Variants in DGKI observed in about 807,000 individuals in gnomAD.
DGKI encodes the protein diacylglycerol kinase iota, also known as DAG kinase iota.
Under a neutral mutation model 147.5 loss-of-function variants are expected in DGKI, and 55 were observed. That is an observed-to-expected ratio of 0.37 (90% CI 0.30 to 0.47). The LOEUF (loss-of-function observed/expected upper bound fraction) is 0.47. DGKI is among the 20% of genes least tolerant of loss of function. The pLI is 1.00. For synonymous variants in DGKI, 469 were observed against 477.1 expected (o/e 0.98, Z 0.22); for missense variants, 1,007 against 1,323.8 (o/e 0.76, Z 3.71).
At chr7:137,742,562 T>C (rs1277126449) in intron 1 of DGKI, among the ~76,000 whole-genome samples, 1 of 152,028 alleles carries the variant, frequency 6.6e-6, no homozygotes, top group Non-Finnish European at 1.5e-5. Context: ...TGCAGACCCA[T>C]GTGCACCCGT....
chr7:137,819,495 A>G (rs1199466092), intron 1 of DGKI, among the ~76,000 whole-genome samples: 1 of 152,066 alleles, frequency 6.6e-6, no homozygotes, highest in Non-Finnish European at 1.5e-5. Context: ...TATTTTTAGT[A>G]GAGACGGGGT....
At chr7:137,513,607 T>C (rs1373294741) in intron 21 of DGKI, among the ~76,000 whole-genome samples, 1 of 152,182 alleles carries the variant, frequency 6.6e-6, no homozygotes, top group East Asian at 1.9e-4. Flanking sequence ...CTTCATTGTG[T>C]GAACATCATA....
At chr7:137,585,169 G>GCT (rs1421984147) in intron 14 of DGKI, 40 bp downstream of exon 14, 1 of 1,609,788 alleles carries the variant, frequency 6.2e-7, no homozygotes, top group Admixed American at 1.7e-5. Flanking sequence ...TCAGGCAGAT[G>GCT]CTCCAGGGCT....
intron 30 of DGKI, among the ~76,000 whole-genome samples, chr7:137,407,139 T>A (rs780176954): frequency 3.1e-4 from 47 of 152,264 alleles, no homozygotes; most frequent in Non-Finnish European, 4.3e-4. Context: ...TAGGCAGTAT[T>A]TTTCCCCTTT....
At chr7:137,722,016 T>C (rs1794571002) in intron 1 of DGKI, 8 of 1,583,564 alleles carry the variant, frequency 5.1e-6, no homozygotes, top group Non-Finnish European at 6.8e-6. Context: ...AGAAGCCAGA[T>C]ACTAAAGAGA....
chr7:137,466,001 T>C lies in DGKI; in HGVS notation c.2519A>G (p.Asp840Gly). Residue 840 changes from aspartate to glycine, a missense_variant, in exon 26 of 33, where the codon GAT (aspartate) becomes GGT (glycine). Around this residue, in one of 5 missense-constraint regions of DGKI, gnomAD observed 385 missense variants for 445.2 expected, o/e 0.86. Coordinates refer to ENST00000614521, the MANE Select transcript of DGKI (RefSeq NM_001321708.2). ...ATCTGGGTCCAGAATAAAAATCTCA[T>C]CTTGGGAAATCTCCATCACAAAGTG... ...HLHFVMEISQDEIFILDPDMV... is the reference protein window; with the variant it reads ...HLHFVMEISQGEIFILDPDMV... The C allele has an allele frequency of 6.2e-7, 1 of 1,614,008 alleles. No homozygotes were observed.
chr7:137,727,095 C>T (rs993101760), intron 1 of DGKI, among the ~76,000 whole-genome samples: 1 of 152,000 alleles, frequency 6.6e-6, no homozygotes, highest in African/African-American at 2.4e-5. Flanking sequence ...TTTTAGCTCC[C>T]AAAGCCACTT....
chr7:137,773,748 T>A (rs1418246956), intron 1 of DGKI, among the ~76,000 whole-genome samples: 1 of 152,152 alleles, frequency 6.6e-6, no homozygotes, highest in Non-Finnish European at 1.5e-5. Context: ...GTTTTCCAAA[T>A]GCTTAATAGC....
chr7:137,423,970 C>T (rs1812681526), intron 28 of DGKI, among the ~76,000 whole-genome samples: 1 of 152,156 alleles, frequency 6.6e-6, no homozygotes, highest in South Asian at 2.1e-4. Flanking sequence ...CACCCACCAA[C>T]CCATCATCTA....
chr7:137,667,310 A>G (rs909130758), intron 3 of DGKI, among the ~76,000 whole-genome samples: 12 of 152,304 alleles, frequency 7.9e-5, no homozygotes, highest in Admixed American at 2.0e-4. Context: ...AATTTCAAGC[A>G]GACAGACTTG....
intron 28 of DGKI, among the ~76,000 whole-genome samples, chr7:137,424,308 A>T (rs1227671417): frequency 6.6e-6 from 1 of 152,170 alleles, no homozygotes; most frequent in Non-Finnish European, 1.5e-5. Flanking sequence ...TAAAGATCAA[A>T]TTTTTATTGT....
intron 27 of DGKI, among the ~76,000 whole-genome samples, chr7:137,446,230 C>T (rs957751177): frequency 6.6e-6 from 1 of 152,188 alleles, no homozygotes; most frequent in African/African-American, 2.4e-5. Context: ...CAGATGGCTC[C>T]GTTAGAGTCC....
intron 23 of DGKI, among the ~76,000 whole-genome samples, chr7:137,477,304 C>T (rs1370793594): frequency 6.6e-6 from 1 of 152,164 alleles, no homozygotes; most frequent in Non-Finnish European, 1.5e-5. Flanking sequence ...TTTTGGGTAA[C>T]TTTGCTGTAT....
In DGKI at chr7:137,502,419, G is replaced by A. The variant is rs892853323; in HGVS notation, c.2249-14730C>T. ...TGTCATATGATAAATTTAGGGAGGG[G>A]TGGAACAAATATGGATGAACATGAA... On this transcript the variant is annotated intron_variant, in intron 21 of 32. Transcript: ENST00000614521. 3.3e-5 allele frequency among the ~76,000 whole-genome samples: 5 copies of A among 152,056 alleles called. No individual in the cohort carries two copies. The South Asian group carries it at 1.0e-3, about 32-fold the overall frequency.
chr7:137,532,032 T>C (rs1192937490), intron 20 of DGKI, among the ~76,000 whole-genome samples: 3 of 14,548 alleles, frequency 2.1e-4, no homozygotes, highest in Non-Finnish European at 2.9e-4. Flanking sequence ...TACAAACCAA[T>C]AGAAAAAAAA....
At chr7:137,837,248 C>T (rs571867118) in intron 1 of DGKI, among the ~76,000 whole-genome samples, 6 of 152,316 alleles carry the variant, frequency 3.9e-5, no homozygotes, top group Non-Finnish European at 8.8e-5. Context: ...TTGGCAAAAT[C>T]AGTAACTTAT....
At position 137,711,684 on chromosome 7, in the gene DGKI, C is replaced by CTTTT. The variant is rs71177918; in HGVS notation, c.402-21686_402-21683dup. ...CTCATCCGTAAAATGGGGATACCAA[C>CTTTT]TTTTTTTTTTTTTTTTTTTTTTTTT... On this transcript the variant is annotated intron_variant, in intron 1 of 32. Transcript: ENST00000614521. Among the ~76,000 whole-genome samples, 38 of 79,734 alleles carry CTTTT rather than the reference C, an allele frequency of 4.8e-4. 1 individual carries two copies. The East Asian group carries it at 7.9e-3, about 17-fold the overall frequency. The allele number at this position is 79,734 out of a possible 152,430, so 52.3% of individuals were successfully genotyped here. A position where few individuals can be genotyped will look rare whatever the true frequency, so the allele number is the denominator to read the frequency against.
At chr7:137,724,930 T>A (rs920293989) in intron 1 of DGKI, among the ~76,000 whole-genome samples, 3 of 152,124 alleles carry the variant, frequency 2.0e-5, no homozygotes, top group African/African-American at 4.8e-5. Flanking sequence ...CCAGGGGCTC[T>A]CCAACAATTA....
chr7:137,638,759 T>TTA (rs1268304887), intron 6 of DGKI, among the ~76,000 whole-genome samples: 1 of 150,180 alleles, frequency 6.7e-6, no homozygotes, highest in Non-Finnish European at 1.5e-5. Flanking sequence ...AACATGTTAA[T>TTA]TATATATTTT....
Sources: allele counts gnomAD v4.1 joint callset (sites outside exome capture counted in the v4.1 genomes callset), GRCh38; gene constraint gnomAD v4.1.1; regional missense constraint gnomAD v4.1.1; transcripts MANE v1.5; gene names NCBI Gene and HGNC (gene_info 2026-07-23, HGNC 2026-07-21).